Variants in REV3L observed in about 807,000 individuals in gnomAD.
REV3L encodes the protein REV3 like, DNA directed polymerase zeta catalytic subunit.
In REV3L, 69 loss-of-function variants were observed where a neutral mutation model predicts 299.4. The observed-to-expected ratio is 0.23, with a 90% CI of 0.19 to 0.28. The LOEUF is 0.28. Among genes scored for constraint, REV3L ranks in the 10% least tolerant of loss-of-function variants. The pLI, the probability that REV3L is intolerant of heterozygous loss-of-function variation, is 1.00. For synonymous variants in REV3L, 1,238 were observed against 1,271.4 expected, an observed-to-expected ratio of 0.97 and a Z score of 0.56; for missense variants, 3,128 against 3,693.8, an observed-to-expected ratio of 0.85 and a Z score of 3.97.
intron 1 of REV3L, chr6:111,471,907 A>G: frequency 2.1e-6 from 1 of 484,810 alleles, no homozygotes; most frequent in Non-Finnish European, 3.0e-6. Context: ...AAAGAGGTTG[A>G]TATTTAAGTT....
At position 111,483,105 on chromosome 6, in the gene REV3L, A is replaced by G; in HGVS notation, c.-217T>C. On this transcript the variant is annotated 5_prime_UTR_variant, in exon 1 of 32. Transcript: ENST00000368802. ...CACCCGGCAAGGGGCCGCAGGAGAG[A>G]AGCCCTCGAGCTTTCGTCGGTGCTG... 2 of 528,108 alleles carry G rather than the reference A, an allele frequency of 3.8e-6. No individual in the cohort carries two copies. Among genetic ancestry groups the G allele is most frequent in the African/African-American group, 2.0e-5 (1 of 49,608 alleles). 32.7% of individuals were successfully genotyped at this position (528,108 alleles called of 1,614,324 possible). A position where few individuals can be genotyped will look rare whatever the true frequency, so the allele number is the denominator to read the frequency against.
chr6:111,344,940 T>C (rs550381035), intron 20 of REV3L, among the ~76,000 whole-genome samples: 1 of 152,336 alleles, frequency 6.6e-6, no homozygotes, highest in South Asian at 2.1e-4. Context: ...TTACTTTATC[T>C]ACAATTTCTG....
intron 1 of REV3L, among the ~76,000 whole-genome samples, chr6:111,468,621 G>T (rs1220104591): frequency 6.6e-6 from 1 of 152,178 alleles, no homozygotes; most frequent in Non-Finnish European, 1.5e-5. Context: ...AAACATTTGA[G>T]AACATAATCT....
At chr6:111,311,312 C>A in intron 28 of REV3L, 53 bp from the exon 29 acceptor site, 1 of 1,389,432 alleles carries the variant, frequency 7.2e-7, no homozygotes, top group Non-Finnish European at 9.8e-7. Context: ...TAGTATGTTT[C>A]ACCATTGTTA....
chr6:111,482,986 C>T lies in REV3L; in HGVS notation c.-98G>A, dbSNP rs975072790. On this transcript the variant is annotated 5_prime_UTR_variant, in exon 1 of 32. Coordinates refer to ENST00000368802, the MANE Select transcript of REV3L (RefSeq NM_001372078.1). ...CCGCAGCGGCGGCGGCGCCCCCTCC[C>T]CTTCTCGGCACGGCCCCCTCCCCTC... The T allele has an allele frequency of 9.5e-6, 13 of 1,363,194 alleles. No individual in the cohort carries two copies. Among genetic ancestry groups the T allele is most frequent in the African/African-American group, 6.2e-5 (4 of 64,768 alleles). The allele number at this position is 1,363,194 out of a possible 1,614,324, so 84.4% of individuals were successfully genotyped here.
intron 1 of REV3L, among the ~76,000 whole-genome samples, chr6:111,439,909 G>C (rs1788046483): frequency 6.6e-6 from 1 of 152,128 alleles, no homozygotes; most frequent in East Asian, 1.9e-4. Context: ...AAGAAATTGG[G>C]CTATACAATT....
chr6:111,469,472 G>T (rs1210535470), intron 1 of REV3L, among the ~76,000 whole-genome samples: 1 of 152,174 alleles, frequency 6.6e-6, no homozygotes, highest in Non-Finnish European at 1.5e-5. Context: ...AGCAACAGTT[G>T]GATAATAGAT....
chr6:111,430,812 C>T, intron 1 of REV3L: 1 of 1,608,664 alleles, frequency 6.2e-7, no homozygotes, highest in Non-Finnish European at 8.5e-7. Flanking sequence ...GGAAAGCTGA[C>T]CAGGCGGCTT....
intron 9 of REV3L, among the ~76,000 whole-genome samples, chr6:111,384,903 G>C (rs956489741): frequency 4.6e-5 from 7 of 152,162 alleles, no homozygotes; most frequent in African/African-American, 1.7e-4. Flanking sequence ...TTACATAATG[G>C]AGTACTACTC....
chr6:111,404,843 T>C (rs1474660596), intron 4 of REV3L, among the ~76,000 whole-genome samples: 6 of 152,170 alleles, frequency 3.9e-5, no homozygotes, highest in Admixed American at 1.3e-4. Flanking sequence ...TTTCAGGTCA[T>C]GTCACACAAA....
chr6:111,377,661 C>T (rs771694658), intron 12 of REV3L, 40 bp downstream of exon 12: 8 of 1,581,822 alleles, frequency 5.1e-6, no homozygotes, highest in Middle Eastern at 1.7e-4. Context: ...ATTTTTAGAT[C>T]GTGAATAACC....
intron 1 of REV3L, among the ~76,000 whole-genome samples, chr6:111,475,993 G>T (rs527984486): frequency 1.7e-4 from 26 of 152,234 alleles, no homozygotes; most frequent in African/African-American, 6.0e-4. Flanking sequence ...ATGAAGGTGG[G>T]ATCCATTTTC....
rs775502327 is a variant in REV3L at position 111,299,983 on chromosome 6, A to AAAT, written c.*30_*32dup. The AAAT allele has an allele frequency of 7.5e-6, 12 of 1,592,658 alleles. No homozygotes were observed. The highest frequency in any genetic ancestry group is 1.0e-5 in the Non-Finnish European group (12 of 1,170,672). ...ACAGTTTAGTGGTAAGCACTGAAAA[A>AAAT]AATAGCACCTGTAATACTGTGATAT... On this transcript the variant is annotated 3_prime_UTR_variant, in exon 32 of 32. Transcript: ENST00000368802.
chr6:111,364,267 C>A (rs1778982724), intron 15 of REV3L, among the ~76,000 whole-genome samples: 1 of 151,876 alleles, frequency 6.6e-6, no homozygotes, highest in Non-Finnish European at 1.5e-5. Context: ...GACATTTATA[C>A]CACATGGACA....
chr6:111,362,128 G>T (rs1402324205), intron 16 of REV3L, among the ~76,000 whole-genome samples: 1 of 152,086 alleles, frequency 6.6e-6, no homozygotes, highest in Non-Finnish European at 1.5e-5. Flanking sequence ...GCATTTGATG[G>T]TATGTATTAC....
intron 2 of REV3L, chr6:111,412,366 A>G (rs911022258): frequency 9.3e-6 from 5 of 537,452 alleles, no homozygotes; most frequent in Non-Finnish European, 1.2e-5. Flanking sequence ...AGATGAAATA[A>G]GCTGAACTCT....
chr6:111,480,838 GTTTTT>G, intron 1 of REV3L, among the ~76,000 whole-genome samples: 1 of 109,044 alleles, frequency 9.2e-6, no homozygotes, highest in South Asian at 3.2e-4. Context: ...TTTCGTTTTT[GTTTTT>G]TTTTTTTTTT....
intron 1 of REV3L, among the ~76,000 whole-genome samples, chr6:111,448,796 T>TA (rs1789159612): frequency 6.6e-6 from 1 of 150,706 alleles, no homozygotes; most frequent in African/African-American, 2.4e-5. Flanking sequence ...ATTTTTTTTT[T>TA]TTTTTTCAAT....
At chr6:111,469,783 G>A (rs922828715) in intron 1 of REV3L, among the ~76,000 whole-genome samples, 1 of 152,296 alleles carries the variant, frequency 6.6e-6, no homozygotes, top group Non-Finnish European at 1.5e-5. Context: ...AGCCACATCC[G>A]CAAGGCCAGA....
Sources: allele counts gnomAD v4.1 joint callset (sites outside exome capture counted in the v4.1 genomes callset), GRCh38; gene constraint gnomAD v4.1.1; transcripts MANE v1.5; gene names NCBI Gene and HGNC (gene_info 2026-07-23, HGNC 2026-07-21).